The following NEDD4L variants were observed in gnomAD, a reference collection of about 807,000 sequenced individuals.
NEDD4L encodes NEDD4 like E3 ubiquitin protein ligase.
NEDD4L carries 54 observed loss-of-function variants against 148.9 expected under a neutral mutation model. The observed-to-expected ratio is 0.36, with a 90% CI of 0.29 to 0.45. The LOEUF is 0.45. Among genes scored for constraint, NEDD4L ranks in the 20% least tolerant of loss-of-function variants. NEDD4L has a pLI of 1.00. For missense variants in NEDD4L, 856 were observed against 1,233.8 expected (o/e 0.69, Z 4.59); for synonymous variants, 433 against 440.7 (o/e 0.98, Z 0.22).
At position 58,237,929 on chromosome 18, in the gene NEDD4L, G is replaced by T. The variant is rs188376417; in HGVS notation, c.123-7498G>T. ...GGCTAGAGATTTCAAGACTCGAGTG[G>T]CTGGGAAGGTTTTAGAATGCAGGTA... On this transcript the variant is annotated intron_variant, in intron 2 of 30. Coordinates refer to ENST00000400345, the MANE Select transcript of NEDD4L (RefSeq NM_001144967.3). Among the ~76,000 whole-genome samples, 3 of 152,342 alleles carry T rather than the reference G, an allele frequency of 2.0e-5. No homozygotes were observed. The East Asian group carries it at 5.8e-4, about 29-fold the overall frequency.
intron 4 of NEDD4L, among the ~76,000 whole-genome samples, chr18:58,251,463 A>G (rs911096455): frequency 6.6e-6 from 1 of 152,102 alleles, no homozygotes; most frequent in Non-Finnish European, 1.5e-5. Context: ...GCAGTGAGCC[A>G]TGATCATGCC....
intron 1 of NEDD4L, among the ~76,000 whole-genome samples, chr18:58,085,671 G>C (rs2083724918): frequency 6.6e-6 from 1 of 152,138 alleles, no homozygotes; most frequent in African/African-American, 2.4e-5. Flanking sequence ...TCCCATTGTT[G>C]GTAAGATACA....
chr18:58,109,730 C>T (rs1284474542), intron 1 of NEDD4L, among the ~76,000 whole-genome samples: 1 of 152,002 alleles, frequency 6.6e-6, no homozygotes, highest in Non-Finnish European at 1.5e-5. Flanking sequence ...CCCACCACAC[C>T]TGGCTAATTT....
chr18:58,108,541 C>T (rs1430942518), intron 1 of NEDD4L, among the ~76,000 whole-genome samples: 2 of 152,168 alleles, frequency 1.3e-5, no homozygotes, highest in Admixed American at 1.3e-4. Flanking sequence ...GTGTCTCAGC[C>T]TCCCGAGTAG....
intron 2 of NEDD4L, among the ~76,000 whole-genome samples, chr18:58,196,612 G>A (rs1431276892): frequency 2.0e-5 from 3 of 150,180 alleles, no homozygotes; most frequent in African/African-American, 7.4e-5. Context: ...CCCATGTTAT[G>A]TGCCATTAAA....
At chr18:58,221,601 G>A (rs1009875797) in intron 2 of NEDD4L, 2 of 985,398 alleles carry the variant, frequency 2.0e-6, no homozygotes, top group African/African-American at 1.7e-5. Flanking sequence ...GTATTCCCCC[G>A]GTATCAGCAG....
At chr18:58,124,776 A>G (rs779319995) in intron 1 of NEDD4L, among the ~76,000 whole-genome samples, 6 of 152,248 alleles carry the variant, frequency 3.9e-5, no homozygotes, top group Non-Finnish European at 7.3e-5. Flanking sequence ...ACTTTATTCA[A>G]TAATAATCAC....
intron 30 of NEDD4L, among the ~76,000 whole-genome samples, chr18:58,392,010 G>A (rs2049894159): frequency 6.6e-6 from 1 of 152,242 alleles, no homozygotes; most frequent in Non-Finnish European, 1.5e-5. Flanking sequence ...GAATTGAGCA[G>A]TAACATGACT....
chr18:58,357,282 T>C (rs974343087), intron 19 of NEDD4L, 30 bp downstream of exon 19: 13 of 1,592,824 alleles, frequency 8.2e-6, no homozygotes, highest in Non-Finnish European at 8.6e-6. Context: ...GCCTCTTCAG[T>C]ATAAGATTTT....
chr18:58,082,838 G>A (rs1192346117), intron 1 of NEDD4L, among the ~76,000 whole-genome samples: 6 of 151,370 alleles, frequency 4.0e-5, no homozygotes, highest in East Asian at 3.9e-4. Context: ...ATTGCAAAGC[G>A]TCCCATCGTG....
chr18:58,185,530 G>A (rs1281505623), intron 2 of NEDD4L, among the ~76,000 whole-genome samples: 1 of 152,138 alleles, frequency 6.6e-6, no homozygotes, highest in Non-Finnish European at 1.5e-5. Context: ...TATCATTGGA[G>A]GGCAATTAAG....
rs142223998 is a variant in NEDD4L, at chr18:58,218,479, C to A, written c.123-26948C>A. ...AGAATGAAAGCATCCTCTCCTACTG[C>A]CAGACTTCTGGGAGACCCACCCCTG... On this transcript the variant is annotated intron_variant, in intron 2 of 30. Transcript: ENST00000400345. Among the ~76,000 whole-genome samples, 1,165 of 152,308 alleles carry A rather than the reference C, an allele frequency of 7.6e-3. 9 individuals are homozygous for A. The highest frequency in any genetic ancestry group is 0.034 in the Middle Eastern group (10 of 294).
intron 1 of NEDD4L, among the ~76,000 whole-genome samples, chr18:58,150,210 G>A (rs1568288255): frequency 6.6e-6 from 1 of 152,194 alleles, no homozygotes; most frequent in Non-Finnish European, 1.5e-5. Flanking sequence ...TGCTGGCCGA[G>A]CCATCAATCC....
intron 1 of NEDD4L, among the ~76,000 whole-genome samples, chr18:58,122,551 T>G (rs1471210291): frequency 1.3e-5 from 2 of 152,158 alleles, no homozygotes; most frequent in African/African-American, 4.8e-5. Context: ...TGGAGTGGTG[T>G]TTGCCTTGCT....
chr18:58,270,482 T>C (rs1225785812), intron 5 of NEDD4L, among the ~76,000 whole-genome samples: 1 of 152,216 alleles, frequency 6.6e-6, no homozygotes, highest in Admixed American at 6.5e-5. Context: ...CACACTGTTG[T>C]ATTGCTGTCT....
chr18:58,375,323 C>T (rs190416068), intron 24 of NEDD4L, among the ~76,000 whole-genome samples: 4 of 152,126 alleles, frequency 2.6e-5, no homozygotes, highest in Non-Finnish European at 4.4e-5. Context: ...CTAGTGCCTA[C>T]CCTGTTCTCC....
chr18:58,230,417 C>CT lies in NEDD4L; in HGVS notation c.123-14997dup, dbSNP rs34928650. 5.5e-4 allele frequency among the ~76,000 whole-genome samples: 78 copies of CT among 143,098 alleles called. 1 individual carries two copies. Among genetic ancestry groups the CT allele is most frequent in the Middle Eastern group, 3.6e-3 (1 of 280 alleles). 93.9% of individuals were successfully genotyped at this position (143,098 alleles called of 152,430 possible). A position where few individuals can be genotyped will look rare whatever the true frequency, so the allele number is the denominator to read the frequency against. On this transcript the variant is annotated intron_variant, in intron 2 of 30. Coordinates refer to ENST00000400345, the MANE Select transcript of NEDD4L (RefSeq NM_001144967.3). ...AGTGAGGTTCACTGTGAAGCTTCTTCTTTTTTTTTTTTTAATCATTTTGTT... is the reference window on the plus strand; with the variant it reads ...AGTGAGGTTCACTGTGAAGCTTCTTCTTTTTTTTTTTTTTAATCATTTTGTT...
At chr18:58,185,709 A>G (rs986377801) in intron 2 of NEDD4L, among the ~76,000 whole-genome samples, 4 of 152,144 alleles carry the variant, frequency 2.6e-5, no homozygotes, top group Non-Finnish European at 5.9e-5. Flanking sequence ...CCCCATCTCT[A>G]CTAAAAATAC....
chr18:58,133,335 A>G (rs2032411379), intron 1 of NEDD4L, among the ~76,000 whole-genome samples: 1 of 152,196 alleles, frequency 6.6e-6, no homozygotes, highest in Admixed American at 6.5e-5. Context: ...CAGGGTTTAT[A>G]CAGGGCTCTC....
Sources: gnomAD v4.1 joint callset for allele counts (sites outside exome capture counted in the v4.1 genomes callset) on GRCh38, gnomAD v4.1.1 for gene constraint, MANE v1.5 for transcripts, NCBI Gene and HGNC (gene_info 2026-07-23, HGNC 2026-07-21) for gene names.